The following CDK12 variants were observed in gnomAD, a reference collection of about 807,000 sequenced individuals.
The protein encoded by CDK12 is cyclin-dependent kinase 12.
CDK12 carries 17 observed loss-of-function variants against 133.8 expected under a neutral mutation model. That is an observed-to-expected ratio of 0.13 (90% CI 0.09 to 0.19). The LOEUF (loss-of-function observed/expected upper bound fraction) is 0.19, where lower values mean the gene tolerates loss of function less well. Ranked by LOEUF, CDK12 falls within the 10% of genes least tolerant of loss-of-function variation. CDK12 has a pLI of 1.00. For synonymous variants in CDK12, 694 were observed against 683.6 expected, an observed-to-expected ratio of 1.02 and a Z score of -0.24; for missense variants, 1,508 against 1,818.7, an observed-to-expected ratio of 0.83 and a Z score of 3.11.
At chr17:39,472,022 C>T (rs751943418) in intron 2 of CDK12, among the ~76,000 whole-genome samples, 1 of 152,058 alleles carries the variant, frequency 6.6e-6, no homozygotes, top group Non-Finnish European at 1.5e-5. Context: ...CTTGCTCTGT[C>T]GCCCAGGCTG....
chr17:39,482,598 C>CTTTTTTT (rs1440834572), intron 2 of CDK12, among the ~76,000 whole-genome samples: 2 of 53,518 alleles, frequency 3.7e-5, no homozygotes, highest in African/African-American at 7.9e-5. Flanking sequence ...CAATCAACTA[C>CTTTTTTT]ATTTTTTTTT....
At chr17:39,562,892 TTTTTC>T (rs2056427615) in intron 3 of CDK12, among the ~76,000 whole-genome samples, 1 of 61,462 alleles carries the variant, frequency 1.6e-5, no homozygotes, top group Non-Finnish European at 3.8e-5. Flanking sequence ...TTTTTTTTTC[TTTTTC>T]TTTTCTTTTT....
chr17:39,558,620 A>G (rs1463124159), intron 3 of CDK12, among the ~76,000 whole-genome samples: 1 of 152,194 alleles, frequency 6.6e-6, no homozygotes, highest in East Asian at 1.9e-4. Context: ...TATCCAAACA[A>G]ATAAAACTTC....
At chr17:39,495,750 G>C (rs896617249) in intron 5 of CDK12, among the ~76,000 whole-genome samples, 7 of 148,898 alleles carry the variant, frequency 4.7e-5, no homozygotes, top group Non-Finnish European at 7.4e-5. Context: ...AGCCAAGATC[G>C]TGCCACTGCA....
chr17:39,524,835 C>T lies in CDK12; in HGVS notation c.3257C>T (p.Pro1086Leu), dbSNP rs80108497. 2 of 1,614,216 alleles carry T rather than the reference C, an allele frequency of 1.2e-6. No homozygotes were observed. The highest frequency in any genetic ancestry group is 2.2e-5 in the East Asian group (1 of 44,888). ...CCTGTGAAGAACAGCAGCCCAGCAC[C>T]ACCTCAGCCTGCTCCTGGCAAGGTG... ...TEPVKNSSPA[P>L]PQPAPGKVES... Residue 1086 changes from proline (P) to leucine (L), a missense_variant, in exon 12 of 14, where the codon CCA becomes CTA. Pro to Leu is a moderately conservative substitution (Grantham distance 98). Coordinates refer to ENST00000447079, the MANE Select transcript of CDK12 (RefSeq NM_016507.4).
At chr17:39,464,399 T>A (rs2049149097) in intron 1 of CDK12, among the ~76,000 whole-genome samples, 1 of 66,454 alleles carries the variant, frequency 1.5e-5, no homozygotes. Flanking sequence ...TTTTTTTTTC[T>A]TTTTCTTTTT....
At chr17:39,563,767 A>AAGGGAG (rs145892389) in intron 3 of CDK12, among the ~76,000 whole-genome samples, 4,905 of 150,620 alleles carry the variant, frequency 0.033, 280 homozygotes, top group African/African-American at 0.11. Flanking sequence ...GCCGAGGAGG[A>AAGGGAG]AGGGAGAGGG....
intron 6 of CDK12, among the ~76,000 whole-genome samples, chr17:39,502,147 AGTTT>A (rs898595231): frequency 2.1e-4 from 23 of 111,134 alleles, no homozygotes; most frequent in Middle Eastern, 9.6e-3. Context: ...CTGGCATACT[AGTTT>A]GTTTGTTTGT....
rs2145822733 is a variant in CDK12, at chr17:39,490,623, C to T, written c.1998C>T (p.Leu666=). ...KEKEQRTRHL[L]TDLPLPPELP... The stretch of plus-strand genomic sequence containing the variant: ...AGGAACAGAGGACACGTCACTTACT[C>T]ACAGACCTTCCTCTCCCTCCAGAGC... The change falls in exon 3 of 14, where the codon CTC becomes CTT. Residue 666 remains leucine, a synonymous_variant. Transcript: ENST00000447079. 1.2e-6 allele frequency: 2 copies of T among 1,613,582 alleles called. No homozygotes were observed. The highest frequency in any genetic ancestry group is 1.7e-6 in the Non-Finnish European group (2 of 1,179,580).
At chr17:39,481,329 C>CTTT (rs569177170) in intron 2 of CDK12, among the ~76,000 whole-genome samples, 3 of 135,536 alleles carry the variant, frequency 2.2e-5, no homozygotes, top group South Asian at 2.4e-4. Context: ...TCTTCTTTCT[C>CTTT]TTTTTTTTTT....
chr17:39,530,976 G>A lies in CDK12; in HGVS notation c.4133G>A (p.Gly1378Asp), dbSNP rs1306193081. Residue 1378 changes from glycine to aspartate, a missense_variant, in exon 14 of 14, where the codon GGC becomes GAC. Coordinates refer to ENST00000447079, the MANE Select transcript of CDK12 (RefSeq NM_016507.4). ...CTGGTGAAGAACAGGACCTTCTCAG[G>A]CTCTCTGAGCCACCTTGGGGAGTCC... Reference protein sequence around the residue: ...QTLVKNRTFSGSLSHLGESSS... With the variant: ...QTLVKNRTFSDSLSHLGESSS... 6.2e-7 allele frequency: 1 copy of A among 1,614,184 alleles called. No individual in the cohort carries two copies. Among genetic ancestry groups the A allele is most frequent in the African/African-American group, 1.3e-5 (1 of 75,048 alleles).
Position 39,531,617 on chromosome 17 carries a change from C to A in CDK12, c.*301C>A, listed in dbSNP as rs772704026. On this transcript the variant is annotated 3_prime_UTR_variant, in exon 14 of 14. Coordinates refer to ENST00000447079, the MANE Select transcript of CDK12 (RefSeq NM_016507.4). ...TTGAAAAGTAAATGTTTTATTAGTT[C>A]ATTGCCTGCACTTACTGATCGGAAG... 11 of 310,226 alleles carry A rather than the reference C, an allele frequency of 3.5e-5. No homozygotes were observed. The highest frequency in any genetic ancestry group is 5.9e-6 in the Non-Finnish European group (1 of 169,960). 19.2% of individuals were successfully genotyped at this position (310,226 alleles called of 1,614,324 possible).
intron 1 of CDK12, among the ~76,000 whole-genome samples, chr17:39,540,379 G>A (rs1339469288): frequency 6.6e-6 from 1 of 152,200 alleles, no homozygotes; most frequent in Non-Finnish European, 1.5e-5. Context: ...AGGGGGCACT[G>A]CCCCTGGAGG....
At chr17:39,505,245 G>C (rs967750241) in intron 6 of CDK12, among the ~76,000 whole-genome samples, 42 of 109,106 alleles carry the variant, frequency 3.8e-4, no homozygotes, top group Admixed American at 2.1e-3. Context: ...AAAAAAAAAA[G>C]GCCAGGCGCG....
At chr17:39,464,214 C>T (rs1444330497) in intron 1 of CDK12, among the ~76,000 whole-genome samples, 1 of 151,628 alleles carries the variant, frequency 6.6e-6, no homozygotes, top group African/African-American at 2.4e-5. Flanking sequence ...GAAAAAAATT[C>T]ATGCATGACT....
At chr17:39,564,570 A>G (rs931540892) in intron 3 of CDK12, among the ~76,000 whole-genome samples, 6 of 152,170 alleles carry the variant, frequency 3.9e-5, no homozygotes, top group Non-Finnish European at 8.8e-5. Context: ...TCCCACCTCT[A>G]TATTCAGTCA....
At chr17:39,563,882 C>T (rs773306982) in intron 3 of CDK12, among the ~76,000 whole-genome samples, 3 of 152,156 alleles carry the variant, frequency 2.0e-5, no homozygotes, top group Non-Finnish European at 4.4e-5. Flanking sequence ...ACAGATTATG[C>T]CCCTCGGTGC....
intron 1 of CDK12, among the ~76,000 whole-genome samples, chr17:39,463,761 A>C (rs1263758575): frequency 6.6e-6 from 1 of 151,850 alleles, no homozygotes; most frequent in Non-Finnish European, 1.5e-5. Context: ...ATCATCACTG[A>C]CCTACCTTGT....
intron 2 of CDK12, among the ~76,000 whole-genome samples, chr17:39,485,963 T>C (rs1305473444): frequency 1.3e-5 from 2 of 151,508 alleles, no homozygotes; most frequent in Non-Finnish European, 2.9e-5. Context: ...TTTTCTTTTT[T>C]TTTTTTTGAG....
Sources: allele counts gnomAD v4.1 joint callset (sites outside exome capture counted in the v4.1 genomes callset), GRCh38; gene constraint gnomAD v4.1.1; transcripts MANE v1.5; gene names NCBI Gene and HGNC (gene_info 2026-07-23, HGNC 2026-07-21).